PSD3: variants seen among roughly 807,000 people sequenced by gnomAD.
PSD3 encodes pleckstrin and Sec7 domain containing 3.
PSD3 carries 49 observed loss-of-function variants against 105.5 expected under a neutral mutation model. The observed-to-expected ratio is 0.46, with a 90% CI of 0.37 to 0.59. PSD3 has a LOEUF of 0.59. Among genes scored for constraint, PSD3 ranks in the 20% least tolerant of loss-of-function variants. The pLI, the probability that PSD3 is intolerant of heterozygous loss-of-function variation, is 0.00. For missense variants in PSD3, 1,561 were observed against 1,263.8 expected (o/e 1.24, Z -3.57); for synonymous variants, 557 against 457.8 (o/e 1.22, Z -2.77).
intron 2 of PSD3, among the ~76,000 whole-genome samples, chr8:18,924,138 A>C (rs1282602949): frequency 4.6e-5 from 7 of 152,144 alleles, no homozygotes; most frequent in Non-Finnish European, 1.0e-4. Context: ...GTGTGGAATA[A>C]GGTGGAACCT....
chr8:19,076,018 C>T (rs772420126), intron 1 of PSD3, among the ~76,000 whole-genome samples: 5 of 152,044 alleles, frequency 3.3e-5, no homozygotes, highest in Non-Finnish European at 5.9e-5. Context: ...ACAAGGCAAC[C>T]TAATAAATGA....
At chr8:18,603,963 A>G (rs2130594197) in intron 11 of PSD3, among the ~76,000 whole-genome samples, 2 of 152,274 alleles carry the variant, frequency 1.3e-5, no homozygotes, top group Middle Eastern at 3.4e-3. Context: ...TTTTCTTATA[A>G]ATTACCCAGT....
At chr8:18,564,776 C>T (rs1801627631) in intron 14 of PSD3, among the ~76,000 whole-genome samples, 1 of 152,120 alleles carries the variant, frequency 6.6e-6, no homozygotes, top group South Asian at 2.1e-4. Context: ...AAGGTCAGCT[C>T]CACTCACCTG....
chr8:18,826,299 A>C (rs963774943), intron 4 of PSD3, among the ~76,000 whole-genome samples: 5 of 152,144 alleles, frequency 3.3e-5, no homozygotes, highest in African/African-American at 4.8e-5. Context: ...AATCACGTGA[A>C]CCAATTCCCT....
chr8:18,994,330 T>C (rs1825951088), intron 1 of PSD3, among the ~76,000 whole-genome samples: 1 of 152,140 alleles, frequency 6.6e-6, no homozygotes, highest in African/African-American at 2.4e-5. Context: ...AAACATCCAT[T>C]TGTTTTTACG....
intron 12 of PSD3, among the ~76,000 whole-genome samples, chr8:18,586,594 T>C (rs1187448363): frequency 1.3e-5 from 2 of 152,160 alleles, no homozygotes; most frequent in South Asian, 2.1e-4. Context: ...GTGTTTACAA[T>C]GAAGGGAAGG....
At chr8:19,078,267 C>A (rs1465737879) in intron 1 of PSD3, among the ~76,000 whole-genome samples, 1 of 152,058 alleles carries the variant, frequency 6.6e-6, no homozygotes, top group African/African-American at 2.4e-5. Context: ...GGAAGCAAAT[C>A]TATTTATAAA....
intron 11 of PSD3, among the ~76,000 whole-genome samples, chr8:18,617,920 A>G: frequency 6.6e-6 from 1 of 152,168 alleles, no homozygotes; most frequent in Non-Finnish European, 1.5e-5. Flanking sequence ...ATGATCTGCA[A>G]AGCCGTCTCT....
intron 1 of PSD3, among the ~76,000 whole-genome samples, chr8:19,081,964 G>A (rs1028767889): frequency 2.6e-5 from 4 of 152,120 alleles, no homozygotes; most frequent in Non-Finnish European, 4.4e-5. Context: ...TCCATTATGG[G>A]GGATCGAGGG....
chr8:18,628,659 T>C (rs1043337428), intron 11 of PSD3, among the ~76,000 whole-genome samples: 15 of 152,030 alleles, frequency 9.9e-5, no homozygotes, highest in African/African-American at 3.6e-4. Flanking sequence ...AATTAAAATA[T>C]AGGACAACAT....
At chr8:18,744,752 A>T (rs1307841275) in intron 9 of PSD3, among the ~76,000 whole-genome samples, 1 of 152,192 alleles carries the variant, frequency 6.6e-6, no homozygotes, top group African/African-American at 2.4e-5. Flanking sequence ...TATTAACTGA[A>T]CTATACACCT....
intron 9 of PSD3, among the ~76,000 whole-genome samples, chr8:18,680,682 G>C (rs1800334828): frequency 6.6e-6 from 1 of 152,100 alleles, no homozygotes. Context: ...GAAATGGTAA[G>C]ATTTAAACAC....
At chr8:18,566,421 G>C (rs370779423) in intron 14 of PSD3, among the ~76,000 whole-genome samples, 44 of 151,768 alleles carry the variant, frequency 2.9e-4, no homozygotes, top group African/African-American at 1.1e-3. Context: ...AGCTACTCGA[G>C]AGGCTGAGGC....
intron 9 of PSD3, among the ~76,000 whole-genome samples, chr8:18,747,531 A>G (rs1805129984): frequency 1.3e-5 from 2 of 152,210 alleles, no homozygotes; most frequent in Admixed American, 1.3e-4. Flanking sequence ...CAGAAAACAT[A>G]CCTTAGCATA....
chr8:18,657,000 G>C (rs552835310), intron 9 of PSD3, among the ~76,000 whole-genome samples: 1 of 152,310 alleles, frequency 6.6e-6, no homozygotes, highest in Admixed American at 6.5e-5. Context: ...ACAATATTAT[G>C]ATGATGTTGG....
At chr8:18,808,871 G>T in intron 4 of PSD3, 1 of 1,595,274 alleles carries the variant, frequency 6.3e-7, no homozygotes, top group South Asian at 1.1e-5. Context: ...AGTGACTGCC[G>T]AGCCTCACAG....
At chr8:18,788,470 A>C (rs1809393868) in intron 8 of PSD3, among the ~76,000 whole-genome samples, 2 of 152,190 alleles carry the variant, frequency 1.3e-5, no homozygotes, top group South Asian at 4.1e-4. Flanking sequence ...CGCCTAACTT[A>C]AAATCAGCCC....
At chr8:18,591,152 C>T (rs553110467) in intron 12 of PSD3, among the ~76,000 whole-genome samples, 4 of 152,260 alleles carry the variant, frequency 2.6e-5, no homozygotes, top group South Asian at 4.1e-4. Context: ...AAGAAACCCA[C>T]GCTGAAACAG....
intron 11 of PSD3, among the ~76,000 whole-genome samples, chr8:18,610,739 A>C (rs557942334): frequency 1.3e-4 from 20 of 152,338 alleles, no homozygotes; most frequent in Admixed American, 5.2e-4. Flanking sequence ...TTCTATTCAA[A>C]GTGTTCCCTA....
Sources: allele counts gnomAD v4.1 joint callset (sites outside exome capture counted in the v4.1 genomes callset), GRCh38; gene constraint gnomAD v4.1.1; transcripts MANE v1.5; gene names NCBI Gene and HGNC (gene_info 2026-07-23, HGNC 2026-07-21).